The following TMEFF2 variants were observed in gnomAD, a reference collection of about 807,000 sequenced individuals.
TMEFF2 encodes transmembrane protein with EGF like and two follistatin like domains 2, also known as tomoregulin-2.
TMEFF2 carries 28 observed loss-of-function variants against 53.8 expected under a neutral mutation model. That is an observed-to-expected ratio of 0.52 (90% CI 0.39 to 0.71). TMEFF2 has a LOEUF of 0.71. Among genes scored for constraint, TMEFF2 ranks in the 30% least tolerant of loss-of-function variants. The pLI, the probability that TMEFF2 is intolerant of heterozygous loss-of-function variation, is 0.00. For missense variants in TMEFF2, 353 were observed against 455.2 expected, an observed-to-expected ratio of 0.78 and a Z score of 2.04; for synonymous variants, 162 against 166.3, an observed-to-expected ratio of 0.97 and a Z score of 0.20.
intron 4 of TMEFF2, among the ~76,000 whole-genome samples, chr2:192,078,915 C>T (rs999929566): frequency 6.6e-6 from 1 of 152,178 alleles, no homozygotes. Context: ...TCTATTCCTA[C>T]TAATGGGATA....
intron 2 of TMEFF2, among the ~76,000 whole-genome samples, chr2:192,188,839 C>T (rs1691384962): frequency 8.6e-6 from 1 of 116,558 alleles, no homozygotes; most frequent in Non-Finnish European, 1.8e-5. Context: ...ATCTATCTAT[C>T]TATCTATCTA....
intron 4 of TMEFF2, among the ~76,000 whole-genome samples, chr2:192,170,905 G>A (rs1315672377): frequency 6.6e-6 from 1 of 152,036 alleles, no homozygotes; most frequent in Non-Finnish European, 1.5e-5. Context: ...TCCCAAAGCT[G>A]TAACAAGTGA....
rs1256952129 is a variant in TMEFF2, at chr2:192,194,618, G to A, written c.-94C>T. 5.4e-6 allele frequency: 8 copies of A among 1,472,286 alleles called. No individual in the cohort carries two copies. Among genetic ancestry groups the A allele is most frequent in the Non-Finnish European group, 7.4e-6 (8 of 1,083,956 alleles). 91.2% of individuals were successfully genotyped at this position (1,472,286 alleles called of 1,614,324 possible). A position where few individuals can be genotyped will look rare whatever the true frequency, so the allele number is the denominator to read the frequency against. Reference sequence around the variant, plus strand: ...CGGGCTACTGAGCATCCCGCGGACGGCGGCAGCAGAGGCGGCGGCGGTGGC... The same window carrying A: ...CGGGCTACTGAGCATCCCGCGGACGACGGCAGCAGAGGCGGCGGCGGTGGC... On this transcript the variant is annotated 5_prime_UTR_variant, in exon 1 of 10. Transcript: ENST00000272771. The surrounding 1 kb of genome is among the most constrained non-coding windows in gnomAD (Gnocchi z 4.2).
intron 4 of TMEFF2, among the ~76,000 whole-genome samples, chr2:192,080,124 A>C (rs545241392): frequency 4.6e-5 from 7 of 152,224 alleles, no homozygotes; most frequent in Non-Finnish European, 8.8e-5. Context: ...AAAATAATTT[A>C]CCATCACATA....
chr2:192,002,963 C>T (rs1338226927), intron 5 of TMEFF2, among the ~76,000 whole-genome samples: 1 of 152,164 alleles, frequency 6.6e-6, no homozygotes, highest in Non-Finnish European at 1.5e-5. Context: ...TCATTATTTA[C>T]TATATTCCAT....
intron 4 of TMEFF2, among the ~76,000 whole-genome samples, chr2:192,163,387 A>G (rs1343003657): frequency 6.6e-6 from 1 of 152,198 alleles, no homozygotes; most frequent in Non-Finnish European, 1.5e-5. Flanking sequence ...GATATTTGCT[A>G]TATTTGTAAG....
At position 192,122,026 on chromosome 2, in the gene TMEFF2, A is replaced by C. The variant is rs138449025; in HGVS notation, c.439+57642T>G. On this transcript the variant is annotated intron_variant, in intron 4 of 9. Transcript: ENST00000272771. ...TAACAATAATTTATTGTACATTTTA[A>C]AATAGCTGGAAGAGAGAATTTTGAA... Among the ~76,000 whole-genome samples, 1,199 of 152,336 alleles carry C rather than the reference A, an allele frequency of 7.9e-3. 12 individuals carry two copies. The highest frequency in any genetic ancestry group is 0.014 in the Middle Eastern group (4 of 294).
intron 8 of TMEFF2, among the ~76,000 whole-genome samples, chr2:191,954,311 A>G (rs1691996025): frequency 1.3e-5 from 2 of 151,904 alleles, no homozygotes; most frequent in Admixed American, 1.3e-4. Context: ...TTTCAACAAG[A>G]TGTCTTTGTG....
chr2:191,952,859 G>A lies in TMEFF2; in HGVS notation c.1028+820C>T, dbSNP rs892093155. ...CTGCACAAATGAAGAAAGTCTAAAC[G>A]CCTTGTGAATTTGGTGAAAATCTTA... is the stretch of plus-strand genomic sequence containing the variant. On this transcript the variant is annotated intron_variant, in intron 9 of 9. Coordinates refer to ENST00000272771, the MANE Select transcript of TMEFF2 (RefSeq NM_016192.4). Among the ~76,000 whole-genome samples, 7 of 152,270 alleles carry A rather than the reference G, an allele frequency of 4.6e-5. No homozygotes were observed. In the East Asian group the frequency reaches 1.2e-3, roughly 25 times the overall value.
chr2:192,120,741 ATT>A (rs751471511), intron 4 of TMEFF2, among the ~76,000 whole-genome samples: 1 of 145,256 alleles, frequency 6.9e-6, no homozygotes, highest in Non-Finnish European at 1.5e-5. Context: ...TTGAATAAAC[ATT>A]TTTTTTTTTT....
intron 5 of TMEFF2, among the ~76,000 whole-genome samples, chr2:192,053,692 T>C (rs776833518): frequency 6.6e-6 from 1 of 152,230 alleles, no homozygotes; most frequent in Non-Finnish European, 1.5e-5. Context: ...CTGGCCGTGG[T>C]GTCATCCAAA....
chr2:192,103,226 T>A (rs1391019204), intron 4 of TMEFF2, among the ~76,000 whole-genome samples: 1 of 152,196 alleles, frequency 6.6e-6, no homozygotes, highest in Non-Finnish European at 1.5e-5. Flanking sequence ...GGAAATTCTT[T>A]TTATGAATAT....
chr2:192,083,378 A>C (rs1201956406), intron 4 of TMEFF2, among the ~76,000 whole-genome samples: 2 of 152,128 alleles, frequency 1.3e-5, no homozygotes, highest in African/African-American at 4.8e-5. Context: ...TGGTTTCAGG[A>C]GAGTATAGAG....
At chr2:192,029,475 A>G (rs565966984) in intron 5 of TMEFF2, 1 of 152,320 alleles carries the variant, frequency 6.6e-6, no homozygotes, top group East Asian at 1.9e-4. Flanking sequence ...ATACATTGAG[A>G]TTCAGTGGAA....
At chr2:192,106,896 A>G in intron 4 of TMEFF2, among the ~76,000 whole-genome samples, 1 of 151,736 alleles carries the variant, frequency 6.6e-6, no homozygotes, top group East Asian at 1.9e-4. Context: ...ACTGGAAATG[A>G]TGGCATTTGA....
intron 4 of TMEFF2, among the ~76,000 whole-genome samples, chr2:192,157,444 A>C (rs1690531509): frequency 6.6e-6 from 1 of 152,048 alleles, no homozygotes; most frequent in Non-Finnish European, 1.5e-5. Context: ...AAAAACACAT[A>C]AAAGTTAGTT....
intron 5 of TMEFF2, among the ~76,000 whole-genome samples, chr2:192,019,913 A>G (rs1207423137): frequency 3.3e-5 from 5 of 151,986 alleles, no homozygotes; most frequent in Non-Finnish European, 7.4e-5. Context: ...CAGTTATACT[A>G]TTTTTCTTTG....
At chr2:191,997,728 A>C (rs1000285448) in intron 7 of TMEFF2, among the ~76,000 whole-genome samples, 26 of 150,856 alleles carry the variant, frequency 1.7e-4, no homozygotes, top group Non-Finnish European at 3.0e-4. Context: ...ATAATTTTGC[A>C]TGTCTGAGAA....
intron 4 of TMEFF2, among the ~76,000 whole-genome samples, chr2:192,158,397 G>T (rs930779733): frequency 7.2e-5 from 11 of 152,074 alleles, no homozygotes; most frequent in African/African-American, 2.4e-4. Flanking sequence ...CAGATCTGAT[G>T]CTAGCCAAGC....
Sources: allele counts gnomAD v4.1 joint callset (sites outside exome capture counted in the v4.1 genomes callset), GRCh38; gene constraint gnomAD v4.1.1; non-coding constraint Gnocchi (gnomAD v3.1); transcripts MANE v1.5; gene names NCBI Gene and HGNC (gene_info 2026-07-23, HGNC 2026-07-21).